Variants in KIF1B observed in about 807,000 individuals in gnomAD.
KIF1B encodes kinesin family member 1B, also known as kinesin-like protein KIF1B.
A neutral mutation model predicts 241.9 loss-of-function variants in KIF1B; 76 were observed. That is an observed-to-expected ratio of 0.31 (90% confidence interval 0.26 to 0.38). The LOEUF is 0.38. Among genes scored for constraint, KIF1B ranks in the 10% least tolerant of loss-of-function variants. The probability of loss-of-function intolerance (pLI) is 1.00; values close to 1 mark genes in which losing one functional copy is unlikely to be tolerated. For synonymous variants in KIF1B, 750 were observed against 796.7 expected (o/e 0.94, Z 0.99); for missense variants, 1,622 against 2,271.4 (o/e 0.71, Z 5.81).
Position 10,366,693 on chromosome 1 carries a change from C to T in KIF1B, c.4752+1045C>T, listed in dbSNP as rs536788551. ...ATTTGTGTTTTAGAAAGATTTCTGG[C>T]GAGGGGCGGTGGCTCACGCCTGTAA... On this transcript the variant is annotated intron_variant, in intron 43 of 48. Coordinates refer to ENST00000676179, the MANE Select transcript of KIF1B (RefSeq NM_001365951.3). Among the ~76,000 whole-genome samples the T allele has an allele frequency of 9.2e-5, 14 of 152,182 alleles. 2 individuals carry two copies. Among genetic ancestry groups the T allele is most frequent in the African/African-American group, 2.4e-4 (10 of 41,526 alleles).
chr1:10,353,936 G>A (rs1433994101), intron 38 of KIF1B, among the ~76,000 whole-genome samples: 1 of 152,060 alleles, frequency 6.6e-6, no homozygotes, highest in East Asian at 1.9e-4. Context: ...ATGTTCAGCC[G>A]GGTTTTACCA....
At chr1:10,357,892 C>T (rs1350307169) in intron 38 of KIF1B, among the ~76,000 whole-genome samples, 1 of 151,434 alleles carries the variant, frequency 6.6e-6, no homozygotes, top group Admixed American at 6.6e-5. Flanking sequence ...GCCTGTAATC[C>T]CAGCTACTTG....
intron 23 of KIF1B, 62 bp downstream of exon 23, chr1:10,320,198 G>C: frequency 2.7e-6 from 3 of 1,113,818 alleles, no homozygotes; most frequent in Non-Finnish European, 2.7e-6. Context: ...TATCAAATTA[G>C]TCATTTATGC....
rs2102368724 is a variant in KIF1B at position 10,378,817 on chromosome 1, A to G, written c.*2230A>G. 1 of 249,394 alleles carries G rather than the reference A, an allele frequency of 4.0e-6. No individual in the cohort carries two copies. The highest frequency in any genetic ancestry group is 5.8e-5 in the East Asian group (1 of 17,282). The allele number at this position is 249,394 out of a possible 1,614,324, so 15.4% of individuals were successfully genotyped here. On this transcript the variant is annotated 3_prime_UTR_variant, in exon 49 of 49. Coordinates refer to ENST00000676179, the MANE Select transcript of KIF1B (RefSeq NM_001365951.3). Reference sequence around the variant, plus strand: ...GAATCACGGAGAGAGAAAGGAAAGGATAGAATCACAGGCTGCGTCTGCACC... The same window carrying G: ...GAATCACGGAGAGAGAAAGGAAAGGGTAGAATCACAGGCTGCGTCTGCACC...
chr1:10,361,953 A>G, intron 40 of KIF1B, 128 bp downstream of exon 40: 1 of 1,041,130 alleles, frequency 9.6e-7, no homozygotes, highest in East Asian at 2.4e-5. Flanking sequence ...GGTAACTGAC[A>G]CCTGGAATGT....
chr1:10,235,786 C>T lies in KIF1B; in HGVS notation c.106+3352C>T, dbSNP rs190391249. Among the ~76,000 whole-genome samples the T allele has an allele frequency of 3.7e-4, 54 of 146,274 alleles. No homozygotes were observed. The East Asian group carries it at 0.01, about 28-fold the overall frequency. ...CTGAGGCAGGAGAATCACTTGAACC[C>T]GGGAGGTGGAGGTTGCAGTGAGCCA... On this transcript the variant is annotated intron_variant, in intron 2 of 48. Transcript: ENST00000676179.
intron 20 of KIF1B, 60 bp downstream of exon 20, chr1:10,296,725 T>A: frequency 6.6e-6 from 10 of 1,520,902 alleles, no homozygotes; most frequent in Non-Finnish European, 9.1e-7. Flanking sequence ...GTGACAACTC[T>A]AATTTTTGGC....
At chr1:10,330,361 T>C (rs1651875812) in intron 27 of KIF1B, among the ~76,000 whole-genome samples, 1 of 152,204 alleles carries the variant, frequency 6.6e-6, no homozygotes, top group Non-Finnish European at 1.5e-5. Context: ...TCTATAATAA[T>C]GGCCTTCAAT....
At chr1:10,227,381 T>G (rs1646924101) in intron 1 of KIF1B, among the ~76,000 whole-genome samples, 1 of 152,178 alleles carries the variant, frequency 6.6e-6, no homozygotes, top group South Asian at 2.1e-4. Context: ...TGCTATTTGT[T>G]TGAAGAAACT....
At chr1:10,243,894 C>G (rs1037982667) in intron 2 of KIF1B, among the ~76,000 whole-genome samples, 2 of 152,136 alleles carry the variant, frequency 1.3e-5, no homozygotes, top group African/African-American at 4.8e-5. Context: ...AGAGTGAAAT[C>G]TAGGCCTTGC....
intron 22 of KIF1B, chr1:10,305,273 A>C: frequency 9.6e-7 from 1 of 1,043,194 alleles, no homozygotes; most frequent in African/African-American, 1.7e-5. Flanking sequence ...TGTATTTTAC[A>C]AAAAACTCAT....
chr1:10,333,390 G>A (rs1444940202), intron 27 of KIF1B, among the ~76,000 whole-genome samples: 1 of 136,416 alleles, frequency 7.3e-6, no homozygotes, highest in Non-Finnish European at 1.6e-5. Flanking sequence ...AAATAAATAA[G>A]GTAACAATAA....
chr1:10,347,486 A>G (rs1206836626), intron 35 of KIF1B, among the ~76,000 whole-genome samples: 1 of 152,220 alleles, frequency 6.6e-6, no homozygotes, highest in Non-Finnish European at 1.5e-5. Flanking sequence ...TCTCCTGTCA[A>G]TTGCCATTGC....
chr1:10,381,517 ACTAT>A lies in KIF1B; in HGVS notation c.*4934_*4937del, dbSNP rs1258681862. On this transcript the variant is annotated 3_prime_UTR_variant, in exon 49 of 49. Transcript: ENST00000676179. Reference sequence around the variant, plus strand: ...ATAGCCTTAGATGTGCAATGCAGACACTATCTAACTGTGTGTGGTAACCTTGCGT... The same window carrying A: ...ATAGCCTTAGATGTGCAATGCAGACACTAACTGTGTGTGGTAACCTTGCGT... 2.5e-5 allele frequency: 5 copies of A among 201,678 alleles called. No homozygotes were observed. The highest frequency in any genetic ancestry group is 1.9e-4 in the South Asian group (1 of 5,232). 12.5% of individuals were successfully genotyped at this position (201,678 alleles called of 1,614,324 possible).
At chr1:10,375,786 G>GTTT (rs201620952) in intron 48 of KIF1B, among the ~76,000 whole-genome samples, 203 of 69,572 alleles carry the variant, frequency 2.9e-3, no homozygotes, top group Non-Finnish European at 4.2e-3. Context: ...TTCTTTTCTT[G>GTTT]TTTTTTTTTT....
intron 2 of KIF1B, among the ~76,000 whole-genome samples, chr1:10,250,361 C>T (rs555066587): frequency 8.2e-4 from 112 of 136,870 alleles, no homozygotes; most frequent in Non-Finnish European, 1.3e-3. Context: ...TTTTTTGAAA[C>T]GGAGCCTCGC....
intron 38 of KIF1B, among the ~76,000 whole-genome samples, chr1:10,354,406 A>G (rs1652903673): frequency 6.6e-6 from 1 of 152,162 alleles, no homozygotes; most frequent in South Asian, 2.1e-4. Context: ...AAGAATTAGA[A>G]ACCTGTGAAG....
At chr1:10,280,395 C>A (rs970880717) in intron 14 of KIF1B, among the ~76,000 whole-genome samples, 1 of 151,888 alleles carries the variant, frequency 6.6e-6, no homozygotes, top group African/African-American at 2.4e-5. Flanking sequence ...ACCACCACGC[C>A]CAGCTTATTT....
At position 10,303,299 on chromosome 1, in the gene KIF1B, G is replaced by A. The variant is rs750946760; in HGVS notation, c.2115+6053G>A. On this transcript the variant is annotated intron_variant, in intron 22 of 48. Coordinates refer to ENST00000676179, the MANE Select transcript of KIF1B (RefSeq NM_001365951.3). The surrounding 1 kb of genome is among the most constrained non-coding windows in gnomAD (Gnocchi z 5.2). ...GTTAAAAAATGTGGCCTCCCAAGCA[G>A]TGGGAAGAAACGTGAACCAATTAAA... is the stretch of plus-strand genomic sequence containing the variant. 12 of 1,614,100 alleles carry A rather than the reference G, an allele frequency of 7.4e-6. No homozygotes were observed. The highest frequency in any genetic ancestry group is 5.3e-5 in the African/African-American group (4 of 74,934).
Sources: allele counts gnomAD v4.1 joint callset (sites outside exome capture counted in the v4.1 genomes callset), GRCh38; gene constraint gnomAD v4.1.1; non-coding constraint Gnocchi (gnomAD v3.1); transcripts MANE v1.5; gene names NCBI Gene and HGNC (gene_info 2026-07-23, HGNC 2026-07-21).